IL1RAPL2: variants seen among roughly 807,000 people sequenced by gnomAD.
IL1RAPL2 encodes X-linked interleukin-1 receptor accessory protein-like 2.
A neutral mutation model predicts 44.1 loss-of-function variants in IL1RAPL2; 3 were observed. The observed-to-expected ratio is 0.07, with a 90% CI of 0.03 to 0.18. The LOEUF is 0.18. IL1RAPL2 is among the 10% of genes least tolerant of loss of function. The pLI, the probability that IL1RAPL2 is intolerant of heterozygous loss-of-function variation, is 1.00. For missense variants in IL1RAPL2, 391 were observed against 496.4 expected (o/e 0.79, Z 2.02); for synonymous variants, 181 against 178.8 (o/e 1.01, Z -0.10).
chrX:105,633,531 G>T (rs1268214682), intron 6 of IL1RAPL2, among the ~76,000 whole-genome samples: 1 of 111,194 alleles, frequency 9.0e-6, no homozygotes, highest in Admixed American at 9.6e-5. Context: ...TTCTGTTATT[G>T]AGCCTTATAC....
intron 6 of IL1RAPL2, among the ~76,000 whole-genome samples, chrX:105,555,933 A>T (rs559728382): frequency 5.4e-5 from 6 of 112,038 alleles, no homozygotes; most frequent in African/African-American, 1.9e-4. Context: ...TGCAGGTCTT[A>T]TTTTATTCAT....
intron 5 of IL1RAPL2, among the ~76,000 whole-genome samples, chrX:105,335,176 C>A (rs1358090023): frequency 9.1e-6 from 1 of 110,012 alleles, no homozygotes; most frequent in Non-Finnish European, 1.9e-5. Context: ...ATATTGATGT[C>A]TTTGCCATGA....
intron 5 of IL1RAPL2, among the ~76,000 whole-genome samples, chrX:105,452,221 C>G (rs1282963097): frequency 2.7e-5 from 3 of 111,340 alleles, no homozygotes; most frequent in African/African-American, 9.8e-5. Flanking sequence ...AAAGAAGAAA[C>G]CCCTGCAATT....
intron 2 of IL1RAPL2, among the ~76,000 whole-genome samples, chrX:105,082,947 T>G (rs1390592739): frequency 9.0e-6 from 1 of 111,161 alleles, no homozygotes; most frequent in Non-Finnish European, 1.9e-5. Context: ...GGACGGAGAA[T>G]GAGTTTGATG....
At chrX:105,710,875 T>C (rs1696611389) in intron 6 of IL1RAPL2, among the ~76,000 whole-genome samples, 2 of 107,620 alleles carry the variant, frequency 1.9e-5, no homozygotes, top group African/African-American at 6.7e-5. Context: ...GGATGACTGA[T>C]AGAAAAGGCC....
chrX:105,209,328 A>G (rs2147619026), intron 3 of IL1RAPL2, among the ~76,000 whole-genome samples: 1 of 111,991 alleles, frequency 8.9e-6, no homozygotes, highest in East Asian at 2.8e-4. Context: ...GCCAAGTTTG[A>G]CTTCCTGGCA....
intron 2 of IL1RAPL2, among the ~76,000 whole-genome samples, chrX:104,678,646 A>G (rs1349441940): frequency 1.8e-5 from 2 of 112,002 alleles, no homozygotes; most frequent in Non-Finnish European, 3.8e-5. Context: ...TGTCATTCGC[A>G]CATCCTCTGT....
chrX:104,946,833 G>C (rs780565551), intron 2 of IL1RAPL2, among the ~76,000 whole-genome samples: 4 of 94,492 alleles, frequency 4.2e-5, no homozygotes, highest in African/African-American at 1.6e-4. Flanking sequence ...CATTTGGGTT[G>C]GTTCCAAGTC....
intron 5 of IL1RAPL2, among the ~76,000 whole-genome samples, chrX:105,388,211 G>A (rs1370707433): frequency 1.6e-4 from 12 of 76,893 alleles, no homozygotes; most frequent in Non-Finnish European, 2.5e-4. Context: ...AAAATAAACC[G>A]TTCTATGAAA....
At chrX:104,671,041 T>G (rs971354897) in intron 2 of IL1RAPL2, among the ~76,000 whole-genome samples, 4 of 111,248 alleles carry the variant, frequency 3.6e-5, no homozygotes, top group African/African-American at 1.3e-4. Context: ...GACCCTTAAT[T>G]TATTCCTTAG....
chrX:104,855,681 G>GTGTTTTTTTTTTTTTTTTT lies in IL1RAPL2; in HGVS notation c.82+196687_82+196688insGTTTTTTTTTTTTTTTTTT. ...TTAACTGTGCTAAGGATCTGGATCC[G>GTGTTTTTTTTTTTTTTTTT]TTTTTTTTTTTTTTTTTACTGTATC... On this transcript the variant is annotated intron_variant, in intron 2 of 10. Transcript: ENST00000372582. 1.3e-3 allele frequency among the ~76,000 whole-genome samples: 68 copies of GTGTTTTTTTTTTTTTTTTT among 53,853 alleles called. 18 individuals are homozygous for GTGTTTTTTTTTTTTTTTTT. Among genetic ancestry groups the GTGTTTTTTTTTTTTTTTTT allele is most frequent in the East Asian group, 2.9e-3 (5 of 1,701 alleles). The allele number at this position is 53,853 out of a possible 115,157, so 46.8% of individuals were successfully genotyped here. A position where few individuals can be genotyped will look rare whatever the true frequency, so the allele number is the denominator to read the frequency against.
chrX:104,688,970 G>A (rs1012885231), intron 2 of IL1RAPL2, among the ~76,000 whole-genome samples: 1 of 111,536 alleles, frequency 9.0e-6, no homozygotes, highest in Non-Finnish European at 1.9e-5. Context: ...TCTATGGGAA[G>A]CAATCCTTAG....
intron 2 of IL1RAPL2, among the ~76,000 whole-genome samples, chrX:105,179,782 T>C: frequency 9.1e-6 from 1 of 109,755 alleles, no homozygotes; most frequent in East Asian, 2.9e-4. Flanking sequence ...CTTGATTTTT[T>C]TTTTTGCCTA....
chrX:104,612,081 A>T (rs1929174122), intron 1 of IL1RAPL2, among the ~76,000 whole-genome samples: 1 of 111,182 alleles, frequency 9.0e-6, no homozygotes, highest in Admixed American at 9.6e-5. Context: ...TAGATTCTGG[A>T]TATTGAACCT....
rs764981533 is a variant in IL1RAPL2, at chrX:104,718,620, G to A, written c.82+59625G>A. Among the ~76,000 whole-genome samples the A allele has an allele frequency of 6.3e-5, 7 of 111,137 alleles. No homozygotes were observed. In the South Asian group the frequency reaches 1.5e-3, roughly 24 times the overall value. ...GCTTGTTTCCCCTTCACCTTCCACC[G>A]TGATTGTAAGTTTCCTGAGGCCTCT... On this transcript the variant is annotated intron_variant, in intron 2 of 10. Transcript: ENST00000372582.
chrX:105,182,329 A>G (rs1556131425), intron 2 of IL1RAPL2, among the ~76,000 whole-genome samples: 1 of 111,347 alleles, frequency 9.0e-6, no homozygotes, highest in Admixed American at 9.5e-5. Flanking sequence ...TTGGGTGTAT[A>G]TGTATTCAGA....
intron 6 of IL1RAPL2, among the ~76,000 whole-genome samples, chrX:105,708,742 T>G (rs774535845): frequency 1.2e-3 from 138 of 111,741 alleles, no homozygotes; most frequent in African/African-American, 4.3e-3. Flanking sequence ...AAATAACTTT[T>G]GAAACAAATG....
chrX:105,720,313 A>T (rs1851538953), intron 7 of IL1RAPL2, among the ~76,000 whole-genome samples: 1 of 110,856 alleles, frequency 9.0e-6, no homozygotes, highest in Non-Finnish European at 1.9e-5. Flanking sequence ...CACAATGAAG[A>T]TAACATATTA....
At chrX:105,506,302 C>T (rs947630909) in intron 6 of IL1RAPL2, among the ~76,000 whole-genome samples, 2 of 111,536 alleles carry the variant, frequency 1.8e-5, no homozygotes, top group East Asian at 5.7e-4. Context: ...TCTCTTGCTG[C>T]ACATGATTTT....
Sources: allele counts gnomAD v4.1 joint callset (sites outside exome capture counted in the v4.1 genomes callset), GRCh38; gene constraint gnomAD v4.1.1; transcripts MANE v1.5; gene names NCBI Gene and HGNC (gene_info 2026-07-23, HGNC 2026-07-21).